Variants in SIPA1L1 observed in about 807,000 individuals in gnomAD.
SIPA1L1 encodes the protein signal induced proliferation associated 1 like 1, also known as signal-induced proliferation-associated 1-like protein 1.
SIPA1L1 carries 26 observed loss-of-function variants against 162.7 expected under a neutral mutation model. The ratio of observed to expected loss-of-function variants is 0.16; its 90% CI spans 0.12 to 0.22. The LOEUF (loss-of-function observed/expected upper bound fraction) is 0.22, where lower values mean the gene tolerates loss of function less well. Ranked by LOEUF, SIPA1L1 falls within the 10% of genes least tolerant of loss-of-function variation. The probability of loss-of-function intolerance (pLI) is 1.00; values close to 1 mark genes in which losing one functional copy is unlikely to be tolerated. For missense variants in SIPA1L1, 1,874 were observed against 2,241.0 expected (o/e 0.84, Z 3.31); for synonymous variants, 829 against 837.4 (o/e 0.99, Z 0.17).
intron 2 of SIPA1L1, among the ~76,000 whole-genome samples, chr14:71,350,796 A>T (rs545926182): frequency 2.2e-4 from 34 of 152,318 alleles, no homozygotes; most frequent in Middle Eastern, 3.4e-3. Context: ...GTTATTAGTT[A>T]GGGGAATGCT....
At chr14:71,575,450 AGCATATAACCGG>A (rs2032872546) in intron 4 of SIPA1L1, among the ~76,000 whole-genome samples, 1 of 152,206 alleles carries the variant, frequency 6.6e-6, no homozygotes, top group Non-Finnish European at 1.5e-5. Context: ...ATTTTCAGTA[AGCATATAACCGG>A]GTTCAAAAAT....
At chr14:71,331,233 G>A (rs1019729323) in intron 2 of SIPA1L1, among the ~76,000 whole-genome samples, 25 of 152,114 alleles carry the variant, frequency 1.6e-4, no homozygotes, top group African/African-American at 6.0e-4. Context: ...TTTCTGGGCT[G>A]TCTATTCTAT....
intron 4 of SIPA1L1, among the ~76,000 whole-genome samples, chr14:71,536,643 CA>C (rs1231943399): frequency 6.6e-6 from 1 of 152,218 alleles, no homozygotes; most frequent in Non-Finnish European, 1.5e-5. Flanking sequence ...ATGTCAGCAG[CA>C]AGAACATAGC....
rs114727909 is a variant in SIPA1L1 at position 71,655,677 on chromosome 14, A to G, written c.1994-2656A>G. On this transcript the variant is annotated intron_variant, in intron 8 of 23. Coordinates refer to ENST00000381232, the MANE Select transcript of SIPA1L1 (RefSeq NM_001386936.1). ...TGATAGCCATTCTGTCTGATATCAG[A>G]TGGTATCTCATTGTGGTTTTAATGT... 3.2e-3 allele frequency among the ~76,000 whole-genome samples: 486 copies of G among 152,240 alleles called. 1 individual carries two copies. Among genetic ancestry groups the G allele is most frequent in the African/African-American group, 0.011 (470 of 41,556 alleles).
rs186685905 is a variant in SIPA1L1 at position 71,626,037 on chromosome 14, A to T, written c.1818+1801A>T. 7.2e-5 allele frequency among the ~76,000 whole-genome samples: 11 copies of T among 152,326 alleles called. No homozygotes were observed. The East Asian group carries it at 2.1e-3, about 29-fold the overall frequency. On this transcript the variant is annotated intron_variant, in intron 7 of 23. Transcript: ENST00000381232. ...TGGGAAAGATAAGAACACTATAAAG[A>T]GTTGAACTCAAAGTTTATTTAATTC... is the stretch of plus-strand genomic sequence containing the variant.
chr14:71,712,883 G>T (rs1198468490), intron 17 of SIPA1L1, among the ~76,000 whole-genome samples: 2 of 152,034 alleles, frequency 1.3e-5, no homozygotes, highest in African/African-American at 4.8e-5. Flanking sequence ...CTTCCCTAAG[G>T]CCCCCTCAGA....
At chr14:71,457,482 A>G (rs2046270843) in intron 2 of SIPA1L1, among the ~76,000 whole-genome samples, 2 of 151,424 alleles carry the variant, frequency 1.3e-5, no homozygotes, top group African/African-American at 4.9e-5. Context: ...TATTTTCAGT[A>G]GAGATGGGGT....
At chr14:71,381,075 T>G (rs1481691095) in intron 2 of SIPA1L1, among the ~76,000 whole-genome samples, 1 of 152,214 alleles carries the variant, frequency 6.6e-6, no homozygotes, top group African/African-American at 2.4e-5. Context: ...ATTTTTGAGA[T>G]GGAGTCTGGC....
chr14:71,433,146 G>C (rs958645372), intron 2 of SIPA1L1, among the ~76,000 whole-genome samples: 5 of 152,184 alleles, frequency 3.3e-5, no homozygotes, highest in African/African-American at 1.2e-4. Context: ...CTAAGGCTTA[G>C]AACTCTGAGT....
At position 71,576,330 on chromosome 14, in the gene SIPA1L1, T is replaced by A. The variant is rs117795933; in HGVS notation, c.-302-11241T>A. ...GTCTTCATGTACAAACTGCAGTAGA[T>A]AATAGCTCTTTAAAGATTGCTTTAG... On this transcript the variant is annotated intron_variant, in intron 4 of 23. Transcript: ENST00000381232. Among the ~76,000 whole-genome samples the A allele has an allele frequency of 8.5e-3, 1,290 of 152,334 alleles. 44 individuals carry two copies. Among genetic ancestry groups the A allele is most frequent in the Admixed American group, 0.062 (946 of 15,306 alleles).
At chr14:71,422,112 T>G (rs2043228473) in intron 2 of SIPA1L1, among the ~76,000 whole-genome samples, 1 of 152,200 alleles carries the variant, frequency 6.6e-6, no homozygotes, top group Admixed American at 6.5e-5. Flanking sequence ...ATTGCCAAAC[T>G]TTTAGCCTGG....
chr14:71,340,761 C>T (rs1363268353), intron 2 of SIPA1L1, among the ~76,000 whole-genome samples: 3 of 152,092 alleles, frequency 2.0e-5, no homozygotes, highest in Non-Finnish European at 4.4e-5. Flanking sequence ...CGTGGCGAAA[C>T]CCCATCTCTA....
At chr14:71,539,442 A>G (rs1296543992) in intron 4 of SIPA1L1, among the ~76,000 whole-genome samples, 1 of 152,224 alleles carries the variant, frequency 6.6e-6, no homozygotes, top group Non-Finnish European at 1.5e-5. Flanking sequence ...CTATTTGCAC[A>G]TTGAACAAAT....
At chr14:71,322,078 A>T (rs1433515220) in intron 2 of SIPA1L1, among the ~76,000 whole-genome samples, 1 of 152,222 alleles carries the variant, frequency 6.6e-6, no homozygotes, top group Admixed American at 6.5e-5. Flanking sequence ...CATGTTTCTA[A>T]ACTGGAGCCA....
rs1597179146 is a variant in SIPA1L1 at position 71,715,153 on chromosome 14, C to T, written c.4208+5489C>T. 2.0e-5 allele frequency among the ~76,000 whole-genome samples: 3 copies of T among 152,338 alleles called. No homozygotes were observed. In the East Asian group the frequency reaches 5.8e-4, roughly 29 times the overall value. On this transcript the variant is annotated intron_variant, in intron 17 of 23. Transcript: ENST00000381232. ...AAGAAAGAAGGAAAATTTGGTATAG[C>T]TCTCTACCCCCAGGCAAGTTGGGAG... is the stretch of plus-strand genomic sequence containing the variant.
chr14:71,375,407 T>C lies in SIPA1L1; in HGVS notation c.-465+54226T>C, dbSNP rs986924347. Among the ~76,000 whole-genome samples the C allele has an allele frequency of 5.3e-5, 8 of 152,324 alleles. No homozygotes were observed. The South Asian group carries it at 1.0e-3, about 20-fold the overall frequency. On this transcript the variant is annotated intron_variant, in intron 2 of 23. Transcript: ENST00000381232. Reference sequence around the variant, plus strand: ...ATTTCCTAATTGTCTGCTACTAATATGTAAGAATATACTTGATTTTTTTTT... The same window carrying C: ...ATTTCCTAATTGTCTGCTACTAATACGTAAGAATATACTTGATTTTTTTTT...
chr14:71,405,923 G>A (rs1000076020), intron 2 of SIPA1L1, among the ~76,000 whole-genome samples: 7 of 152,160 alleles, frequency 4.6e-5, no homozygotes, highest in Admixed American at 2.6e-4. Context: ...TTTTAAGCAG[G>A]GGAATAGTAA....
At chr14:71,634,056 CA>C (rs554210948) in intron 7 of SIPA1L1, among the ~76,000 whole-genome samples, 4,758 of 121,074 alleles carry the variant, frequency 0.039, 106 homozygotes, top group Non-Finnish European at 0.057. Flanking sequence ...ACACTAAATA[CA>C]AAAAAAAAAA....
intron 4 of SIPA1L1, among the ~76,000 whole-genome samples, chr14:71,556,539 G>A (rs1042574346): frequency 9.2e-5 from 14 of 152,116 alleles, no homozygotes; most frequent in Non-Finnish European, 7.4e-5. Flanking sequence ...CCCCATGTTT[G>A]GGTTTAATTA....
Sources: allele counts gnomAD v4.1 joint callset (sites outside exome capture counted in the v4.1 genomes callset), GRCh38; gene constraint gnomAD v4.1.1; transcripts MANE v1.5; gene names NCBI Gene and HGNC (gene_info 2026-07-23, HGNC 2026-07-21).